The following CDH18 variants were observed in gnomAD, a reference collection of about 807,000 sequenced individuals.
CDH18 encodes cadherin-18.
Under a neutral mutation model 67.9 loss-of-function variants are expected in CDH18, and 31 were observed. The ratio of observed to expected loss-of-function variants is 0.46; its 90% CI spans 0.34 to 0.62. The LOEUF (loss-of-function observed/expected upper bound fraction) is 0.62. CDH18 is among the 20% of genes least tolerant of loss of function. The pLI is 0.01. For missense variants in CDH18, 890 were observed against 975.5 expected, an observed-to-expected ratio of 0.91 and a Z score of 1.17; for synonymous variants, 362 against 347.2, an observed-to-expected ratio of 1.04 and a Z score of -0.48.
In CDH18 at chr5:20,562,571, C is replaced by T. The variant is rs931320090; in HGVS notation, c.-580+12891G>A. Among the ~76,000 whole-genome samples the T allele has an allele frequency of 1.8e-4, 27 of 151,178 alleles. 1 individual carries two copies. Among genetic ancestry groups the T allele is most frequent in the Admixed American group, 1.1e-3 (17 of 15,120 alleles). ...TGATGTTAAACAGAATTAACTAGAA[C>T]GTTATATTCTAATATATCTTATAAT... is the stretch of plus-strand genomic sequence containing the variant. On this transcript the variant is annotated intron_variant, in intron 1 of 14. Coordinates refer to the CDH18 transcript ENST00000507958.
intron 1 of CDH18, among the ~76,000 whole-genome samples, chr5:20,438,450 G>T (rs1749349639): frequency 6.6e-6 from 1 of 151,300 alleles, no homozygotes; most frequent in African/African-American, 2.4e-5. Flanking sequence ...TAGCTGTTAA[G>T]CTGACCTAAA....
chr5:19,958,534 G>A (rs1796492217), intron 2 of CDH18, among the ~76,000 whole-genome samples: 1 of 151,938 alleles, frequency 6.6e-6, no homozygotes, highest in Non-Finnish European at 1.5e-5. Context: ...TATACCCTCA[G>A]TACCTAGCAC....
At chr5:19,802,953 T>C (rs1425302782) in intron 3 of CDH18, among the ~76,000 whole-genome samples, 1 of 152,244 alleles carries the variant, frequency 6.6e-6, no homozygotes, top group Non-Finnish European at 1.5e-5. Flanking sequence ...CTTTCAGCTA[T>C]TCAGCCTCCC....
At chr5:20,411,982 C>T (rs1383260978) in intron 1 of CDH18, among the ~76,000 whole-genome samples, 6 of 152,110 alleles carry the variant, frequency 3.9e-5, no homozygotes, top group Non-Finnish European at 5.9e-5. Context: ...AGATTCACTG[C>T]AATTTCTATC....
chr5:20,274,053 A>G (rs2126674670), intron 1 of CDH18, among the ~76,000 whole-genome samples: 1 of 152,244 alleles, frequency 6.6e-6, no homozygotes, highest in Admixed American at 6.5e-5. Flanking sequence ...ATGAAAGAAG[A>G]AAGTTTCAGA....
At chr5:20,281,538 G>A (rs1273298980) in intron 1 of CDH18, among the ~76,000 whole-genome samples, 1 of 152,062 alleles carries the variant, frequency 6.6e-6, no homozygotes, top group African/African-American at 2.4e-5. Flanking sequence ...CATTATTTCT[G>A]AGGGCTCTGT....
chr5:20,545,198 A>T (rs1055650691), intron 1 of CDH18, among the ~76,000 whole-genome samples: 4 of 152,190 alleles, frequency 2.6e-5, no homozygotes, highest in Non-Finnish European at 5.9e-5. Context: ...GTCAGGGTAC[A>T]GCCTCTGCTG....
At chr5:19,688,042 T>C (rs931783050) in intron 5 of CDH18, among the ~76,000 whole-genome samples, 2 of 152,162 alleles carry the variant, frequency 1.3e-5, no homozygotes, top group Non-Finnish European at 2.9e-5. Context: ...TCTGAGGGCC[T>C]GAGGATGGCC....
At chr5:19,831,405 A>G (rs1034536989) in intron 3 of CDH18, among the ~76,000 whole-genome samples, 17 of 152,076 alleles carry the variant, frequency 1.1e-4, no homozygotes, top group Admixed American at 1.1e-3. Flanking sequence ...TGTAAGGAAC[A>G]TAAGAGAAAA....
intron 2 of CDH18, among the ~76,000 whole-genome samples, chr5:20,036,469 G>A (rs1443963449): frequency 2.0e-5 from 3 of 151,868 alleles, no homozygotes; most frequent in Admixed American, 6.6e-5. Flanking sequence ...CTCTGTCCTT[G>A]GGCTGTCATG....
intron 2 of CDH18, among the ~76,000 whole-genome samples, chr5:20,125,812 T>G (rs1748773133): frequency 6.6e-6 from 1 of 152,074 alleles, no homozygotes; most frequent in Non-Finnish European, 1.5e-5. Context: ...TTCCCTTCAT[T>G]TCCTCATGAT....
At chr5:19,891,028 A>AG (rs1296495168) in intron 2 of CDH18, among the ~76,000 whole-genome samples, 1 of 152,180 alleles carries the variant, frequency 6.6e-6, no homozygotes, top group African/African-American at 2.4e-5. Flanking sequence ...ATCCTTAGTA[A>AG]GACTCTAATA....
chr5:19,534,422 G>A lies in CDH18; in HGVS notation c.1390+9447C>T, dbSNP rs1749108373. 3.9e-5 allele frequency among the ~76,000 whole-genome samples: 6 copies of A among 152,042 alleles called. No homozygotes were observed. The South Asian group carries it at 1.2e-3, about 31-fold the overall frequency. On this transcript the variant is annotated intron_variant, in intron 9 of 12. Coordinates refer to ENST00000382275, the MANE Select transcript of CDH18 (RefSeq NM_004934.5). ...CACTCATCTTATTACCATGTTACAA[G>A]TTAACATACAATTTGTTACTTGTTA... is the stretch of plus-strand genomic sequence containing the variant.
intron 11 of CDH18, among the ~76,000 whole-genome samples, chr5:19,495,717 C>CAAAAAAAAAAAAAAAAAAA (rs749003068): frequency 4.3e-5 from 2 of 46,548 alleles, no homozygotes; most frequent in African/African-American, 7.9e-5. Flanking sequence ...GAAACTGTCT[C>CAAAAAAAAAAAAAAAAAAA]AAAAAAAAAA....
intron 2 of CDH18, among the ~76,000 whole-genome samples, chr5:19,938,086 T>G (rs1293597378): frequency 6.7e-6 from 1 of 149,340 alleles, no homozygotes; most frequent in Non-Finnish European, 1.5e-5. Context: ...ACATAGACTT[T>G]TTTTGGGAGA....
At chr5:20,546,356 C>A (rs975490024) in intron 1 of CDH18, among the ~76,000 whole-genome samples, 1 of 152,102 alleles carries the variant, frequency 6.6e-6, no homozygotes, top group Non-Finnish European at 1.5e-5. Context: ...GGACCCCACT[C>A]TGCCAGTACC....
At chr5:20,497,299 A>C (rs1014964046) in intron 1 of CDH18, among the ~76,000 whole-genome samples, 6 of 152,168 alleles carry the variant, frequency 3.9e-5, no homozygotes, top group Non-Finnish European at 1.5e-5. Context: ...AATTTAAAAT[A>C]TATCACAGGC....
At chr5:19,781,624 T>G (rs1245663503) in intron 3 of CDH18, among the ~76,000 whole-genome samples, 1 of 152,166 alleles carries the variant, frequency 6.6e-6, no homozygotes, top group East Asian at 1.9e-4. Flanking sequence ...CATAAGATTT[T>G]ATTACTGAGT....
At chr5:19,795,021 T>C (rs2149826617) in intron 3 of CDH18, among the ~76,000 whole-genome samples, 1 of 152,150 alleles carries the variant, frequency 6.6e-6, no homozygotes, top group African/African-American at 2.4e-5. Context: ...AGGCCTAGTG[T>C]TTCCTGTCCC....
Sources: allele counts gnomAD v4.1 joint callset (sites outside exome capture counted in the v4.1 genomes callset), GRCh38; gene constraint gnomAD v4.1.1; transcripts MANE v1.5; gene names NCBI Gene and HGNC (gene_info 2026-07-23, HGNC 2026-07-21).